ROBO1: variants seen among roughly 807,000 people sequenced by gnomAD.
ROBO1 encodes the protein roundabout homolog 1.
ROBO1 carries 149 observed loss-of-function variants against 195.9 expected under a neutral mutation model. The observed-to-expected ratio is 0.76, with a 90% confidence interval of 0.67 to 0.87. The LOEUF (loss-of-function observed/expected upper bound fraction) is 0.87, where lower values mean the gene tolerates loss of function less well. Among genes scored for constraint, ROBO1 ranks in the 40% least tolerant of loss-of-function variants. The pLI is 0.00. For missense variants in ROBO1, 1,933 were observed against 2,068.3 expected, an observed-to-expected ratio of 0.93 and a Z score of 1.27; for synonymous variants, 816 against 733.2, an observed-to-expected ratio of 1.11 and a Z score of -1.82.
At chr3:79,164,196 C>T (rs534206308) in intron 2 of ROBO1, among the ~76,000 whole-genome samples, 12 of 152,246 alleles carry the variant, frequency 7.9e-5, no homozygotes, top group Admixed American at 5.9e-4. Context: ...CAGCTAATAA[C>T]ATAAATGTGG....
At chr3:79,551,343 C>A (rs534031790) in intron 2 of ROBO1, among the ~76,000 whole-genome samples, 74 of 151,748 alleles carry the variant, frequency 4.9e-4, no homozygotes, top group Non-Finnish European at 9.1e-4. Context: ...CCCCCTCCCC[C>A]ACCCCACAAC....
intron 2 of ROBO1, among the ~76,000 whole-genome samples, chr3:79,169,933 T>C (rs1175117496): frequency 3.3e-5 from 5 of 152,154 alleles, no homozygotes; most frequent in Admixed American, 6.5e-5. Flanking sequence ...CATTTGAACA[T>C]TGAAATTATT....
intron 2 of ROBO1, among the ~76,000 whole-genome samples, chr3:79,232,459 A>G (rs1440253625): frequency 6.6e-6 from 1 of 150,754 alleles, no homozygotes; most frequent in Non-Finnish European, 1.5e-5. Context: ...ACTTAAGAGA[A>G]AAAAAAAACA....
chr3:78,641,675 AC>A (rs1426641096), intron 21 of ROBO1, among the ~76,000 whole-genome samples: 1 of 152,224 alleles, frequency 6.6e-6, no homozygotes, highest in Non-Finnish European at 1.5e-5. Context: ...TCCATATGTG[AC>A]ACAGCAGAGA....
intron 4 of ROBO1, among the ~76,000 whole-genome samples, chr3:78,832,280 A>G (rs1015552700): frequency 6.6e-6 from 1 of 152,134 alleles, no homozygotes; most frequent in Non-Finnish European, 1.5e-5. Flanking sequence ...CTTTCTCCAC[A>G]GTCTCTTTCC....
intron 3 of ROBO1, among the ~76,000 whole-genome samples, chr3:79,042,042 G>A (rs2078496741): frequency 6.6e-6 from 1 of 152,030 alleles, no homozygotes; most frequent in Admixed American, 6.6e-5. Flanking sequence ...CTGAGATCTT[G>A]GAACACTTTG....
At chr3:79,383,962 G>T (rs537888271) in intron 2 of ROBO1, among the ~76,000 whole-genome samples, 1 of 152,024 alleles carries the variant, frequency 6.6e-6, no homozygotes, top group South Asian at 2.1e-4. Flanking sequence ...TAATTAGTTA[G>T]TTGTTTATTT....
intron 1 of ROBO1, among the ~76,000 whole-genome samples, chr3:79,733,811 CT>C (rs1425467130): frequency 1.3e-5 from 2 of 152,096 alleles, no homozygotes; most frequent in Admixed American, 1.3e-4. Context: ...CTATTGTGTA[CT>C]TTTTTTGAAA....
intron 2 of ROBO1, among the ~76,000 whole-genome samples, chr3:79,516,634 G>T (rs1290865834): frequency 6.6e-6 from 1 of 152,038 alleles, no homozygotes; most frequent in African/African-American, 2.4e-5. Flanking sequence ...ATATTATTAT[G>T]TAGTATTTAA....
intron 2 of ROBO1, among the ~76,000 whole-genome samples, chr3:79,532,779 A>G (rs1423531556): frequency 6.6e-6 from 1 of 152,190 alleles, no homozygotes; most frequent in African/African-American, 2.4e-5. Context: ...GGAAGCAAAT[A>G]TCAGGAGCAA....
intron 2 of ROBO1, among the ~76,000 whole-genome samples, chr3:79,249,939 G>A (rs2082690173): frequency 6.6e-6 from 1 of 152,178 alleles, no homozygotes; most frequent in African/African-American, 2.4e-5. Flanking sequence ...AAAACAGAAT[G>A]TTTTAAGAAG....
chr3:79,420,466 C>T (rs1559886264), intron 2 of ROBO1, among the ~76,000 whole-genome samples: 1 of 151,946 alleles, frequency 6.6e-6, no homozygotes, highest in Admixed American at 6.6e-5. Flanking sequence ...TTTCTAGGAC[C>T]GTGAGTGTGG....
At chr3:78,783,627 G>C (rs1252710251) in intron 4 of ROBO1, among the ~76,000 whole-genome samples, 1 of 152,134 alleles carries the variant, frequency 6.6e-6, no homozygotes, top group Non-Finnish European at 1.5e-5. Context: ...GAAAATTTTA[G>C]ACTTGTGGAA....
intron 1 of ROBO1, among the ~76,000 whole-genome samples, chr3:79,663,324 G>A (rs1335886597): frequency 1.3e-5 from 2 of 151,870 alleles, no homozygotes; most frequent in African/African-American, 2.4e-5. Flanking sequence ...GTTATTTATT[G>A]GATTATATGT....
intron 23 of ROBO1, among the ~76,000 whole-genome samples, chr3:78,635,009 T>G (rs1462098340): frequency 6.6e-6 from 1 of 152,132 alleles, no homozygotes; most frequent in Non-Finnish European, 1.5e-5. Context: ...CCCCATCTAT[T>G]CACATTAGAG....
chr3:79,695,228 G>T (rs1449010551), intron 1 of ROBO1, among the ~76,000 whole-genome samples: 1 of 151,434 alleles, frequency 6.6e-6, no homozygotes, highest in African/African-American at 2.4e-5. Flanking sequence ...CTAACAATAA[G>T]ATGAATAAAA....
intron 2 of ROBO1, among the ~76,000 whole-genome samples, chr3:79,242,919 T>C (rs2082547771): frequency 6.6e-6 from 1 of 151,966 alleles, no homozygotes. Context: ...GCCATGTTGG[T>C]GTGCTGCACC....
At chr3:78,823,130 G>A (rs1576236230) in intron 4 of ROBO1, among the ~76,000 whole-genome samples, 2 of 151,734 alleles carry the variant, frequency 1.3e-5, no homozygotes, top group South Asian at 4.2e-4. Context: ...CAATAGTGAA[G>A]ATTCAGCCTT....
chr3:79,707,499 A>G (rs1408198946), intron 1 of ROBO1, among the ~76,000 whole-genome samples: 1 of 152,030 alleles, frequency 6.6e-6, no homozygotes, highest in Non-Finnish European at 1.5e-5. Flanking sequence ...TTTAAATTAT[A>G]TTTATATTTT....
Sources: allele counts gnomAD v4.1 joint callset (sites outside exome capture counted in the v4.1 genomes callset), GRCh38; gene constraint gnomAD v4.1.1; transcripts MANE v1.5; gene names NCBI Gene and HGNC (gene_info 2026-07-23, HGNC 2026-07-21).